The following ARMC3 variants were observed in gnomAD, a reference collection of about 807,000 sequenced individuals.
ARMC3 encodes the protein armadillo repeat-containing protein 3.
Under a neutral mutation model 90.3 loss-of-function variants are expected in ARMC3, and 74 were observed. That is an observed-to-expected ratio of 0.82 (90% CI 0.68 to 0.99). The LOEUF is 0.99. Ranked by LOEUF, ARMC3 falls within the 50% of genes least tolerant of loss-of-function variation. The pLI, the probability that ARMC3 is intolerant of heterozygous loss-of-function variation, is 0.00. For synonymous variants in ARMC3, 334 were observed against 361.8 expected, an observed-to-expected ratio of 0.92 and a Z score of 0.87; for missense variants, 958 against 1,042.8, an observed-to-expected ratio of 0.92 and a Z score of 1.12.
chr10:22,997,785 T>C (rs1348763734), intron 10 of ARMC3, among the ~76,000 whole-genome samples: 5 of 152,168 alleles, frequency 3.3e-5, no homozygotes, highest in African/African-American at 1.2e-4. Context: ...CACAAGAGTT[T>C]CTTTAAATAG....
chr10:22,933,156 C>T (rs182494956), intron 2 of ARMC3, among the ~76,000 whole-genome samples: 131 of 152,298 alleles, frequency 8.6e-4, no homozygotes, highest in African/African-American at 3.0e-3. Context: ...TGCCTGTCTT[C>T]CCGGGTCCAG....
chr10:22,955,775 C>A, intron 3 of ARMC3, 32 bp from the exon 4 acceptor site: 1 of 1,611,456 alleles, frequency 6.2e-7, no homozygotes, highest in Non-Finnish European at 8.5e-7. Flanking sequence ...CGATAATATC[C>A]ATGTGTGGTT....
rs1005404665 is a variant in ARMC3, at chr10:23,037,697, G to A, written c.*218G>A. 8.5e-6 allele frequency: 4 copies of A among 470,608 alleles called. No homozygotes were observed. The highest frequency in any genetic ancestry group is 4.0e-5 in the South Asian group (1 of 24,776). The allele number at this position is 470,608 out of a possible 1,614,324, so 29.2% of individuals were successfully genotyped here. On this transcript the variant is annotated 3_prime_UTR_variant, in exon 19 of 19. Coordinates refer to ENST00000298032, the MANE Select transcript of ARMC3 (RefSeq NM_173081.5). ...GTTCTGTCTTATTAGGTCATTTTCC[G>A]CTCACTGACCCTCACATAAAGCTGA...
intron 4 of ARMC3, among the ~76,000 whole-genome samples, chr10:22,956,877 G>A (rs1247946726): frequency 1.3e-5 from 2 of 150,736 alleles, no homozygotes; most frequent in Non-Finnish European, 2.9e-5. Flanking sequence ...GTTAAAAGAT[G>A]CTATTATGTC....
intron 7 of ARMC3, among the ~76,000 whole-genome samples, chr10:22,966,562 A>AGGAT (rs1290358359): frequency 6.6e-6 from 1 of 152,234 alleles, no homozygotes; most frequent in Admixed American, 6.5e-5. Flanking sequence ...TAGAACCAAC[A>AGGAT]GGATGCATGT....
intron 6 of ARMC3, chr10:22,961,666 ATTTTCTGTT>A (rs1835198634): frequency 2.1e-6 from 1 of 470,052 alleles, no homozygotes; most frequent in Non-Finnish European, 3.7e-6. Context: ...GATCATGTAT[ATTTTCTGTT>A]GTAGACAATG....
chr10:22,928,167 A>C (rs1038457595), intron 1 of ARMC3, 61 bp downstream of exon 1: 4 of 152,516 alleles, frequency 2.6e-5, no homozygotes, highest in African/African-American at 9.6e-5. Context: ...AACCTGGGAA[A>C]GGAGAAGGTG....
chr10:22,961,212 T>A (rs1835176606), intron 6 of ARMC3: 1 of 152,236 alleles, frequency 6.6e-6, no homozygotes, highest in Non-Finnish European at 1.5e-5. Flanking sequence ...CCTTTAGTAC[T>A]ATTTTATATT....
At position 22,968,508 on chromosome 10, in the gene ARMC3, T is replaced by C; in HGVS notation, c.916+19T>C. On this transcript the variant is annotated intron_variant, in intron 8 of 18. Transcript: ENST00000298032. The stretch of plus-strand genomic sequence containing the variant: ...TATGATCGTATGTCTCATTTTATTT[T>C]ATTTATTTTGAGATAGGATCTTGCT... 6.5e-7 allele frequency: 1 copy of C among 1,542,790 alleles called. No homozygotes were observed. Among genetic ancestry groups the C allele is most frequent in the East Asian group, 2.3e-5 (1 of 44,204 alleles).
intron 16 of ARMC3, among the ~76,000 whole-genome samples, chr10:23,010,880 CTTTCCCTCCCACTCCTTCCCTTCCT>C (rs1432186691): frequency 0.011 from 769 of 70,750 alleles, 138 homozygotes; most frequent in East Asian, 0.019. Flanking sequence ...CTCTCCTTCC[CTTTCCCTCCCACTCCTTCCCTTCCT>C]TCCCCTCTTC....
chr10:22,944,219 T>C (rs1834435828), intron 2 of ARMC3, among the ~76,000 whole-genome samples: 1 of 152,192 alleles, frequency 6.6e-6, no homozygotes, highest in African/African-American at 2.4e-5. Context: ...TTATCTTCAA[T>C]AAGCAGTCAG....
intron 16 of ARMC3, among the ~76,000 whole-genome samples, 184 bp downstream of exon 16, chr10:23,009,115 G>T (rs1588913870): frequency 6.6e-6 from 1 of 152,226 alleles, no homozygotes; most frequent in African/African-American, 2.4e-5. Context: ...GGAGAGAATT[G>T]TCTTCTGGCT....
chr10:22,986,574 A>C (rs5025945), intron 10 of ARMC3, among the ~76,000 whole-genome samples: 16,635 of 144,910 alleles, frequency 0.11, 1,414 homozygotes, highest in East Asian at 0.35. Context: ...AAAAAAAAAA[A>C]AAACAAACCC....
intron 16 of ARMC3, among the ~76,000 whole-genome samples, chr10:23,022,889 A>G (rs911156687): frequency 3.9e-5 from 6 of 152,052 alleles, no homozygotes; most frequent in African/African-American, 1.2e-4. Flanking sequence ...CTTTGTCCCA[A>G]TAAGCCTGAG....
intron 16 of ARMC3, among the ~76,000 whole-genome samples, chr10:23,028,022 C>A (rs1435757198): frequency 6.6e-6 from 1 of 152,096 alleles, no homozygotes; most frequent in African/African-American, 2.4e-5. Context: ...CACACCTGTG[C>A]TCCCAGCTAC....
chr10:22,931,733 C>G (rs1833939398), intron 1 of ARMC3, among the ~76,000 whole-genome samples: 1 of 152,108 alleles, frequency 6.6e-6, no homozygotes, highest in African/African-American at 2.4e-5. Flanking sequence ...TTAAGTTATG[C>G]CACTAATATA....
chr10:23,011,378 C>T lies in ARMC3; in HGVS notation c.2045+2447C>T, dbSNP rs150111838. 1.0e-3 allele frequency among the ~76,000 whole-genome samples: 159 copies of T among 152,294 alleles called. 2 individuals carry two copies. The highest frequency in any genetic ancestry group is 3.7e-3 in the African/African-American group (154 of 41,558). ...ACTGAAATAAAAATAGAACCATTTT[C>T]ATAGTGCTGTTGTAAGCCTCAAGTA... is the stretch of plus-strand genomic sequence containing the variant. On this transcript the variant is annotated intron_variant, in intron 16 of 18. Coordinates refer to ENST00000298032, the MANE Select transcript of ARMC3 (RefSeq NM_173081.5).
At position 22,980,519 on chromosome 10, in the gene ARMC3, GAATT is replaced by G. The variant is rs555189391; in HGVS notation, c.917-817_917-814del. Among the ~76,000 whole-genome samples the G allele has an allele frequency of 2.3e-3, 349 of 151,878 alleles. 4 individuals are homozygous for G. The highest frequency in any genetic ancestry group is 7.3e-3 in the African/African-American group (303 of 41,478). ...AGAATTAGCTAGAACATAAAAAATA[GAATT>G]AATAGAACACAAAACAAAAAATTAT... On this transcript the variant is annotated intron_variant, in intron 8 of 18. Coordinates refer to ENST00000298032, the MANE Select transcript of ARMC3 (RefSeq NM_173081.5).
chr10:23,012,198 C>A (rs1190689082), intron 16 of ARMC3, among the ~76,000 whole-genome samples: 1 of 152,184 alleles, frequency 6.6e-6, no homozygotes, highest in Admixed American at 6.5e-5. Context: ...TTGTGAATAT[C>A]AAGCTGCTGA....
Sources: gnomAD v4.1 joint callset for allele counts (sites outside exome capture counted in the v4.1 genomes callset) on GRCh38, gnomAD v4.1.1 for gene constraint, MANE v1.5 for transcripts, NCBI Gene and HGNC (gene_info 2026-07-23, HGNC 2026-07-21) for gene names.